The following ADAMTS18 variants were observed in gnomAD, a reference collection of about 807,000 sequenced individuals.
ADAMTS18 encodes A disintegrin and metalloproteinase with thrombospondin motifs 18.
In ADAMTS18, 157 loss-of-function variants were observed where a neutral mutation model predicts 165.9. That is an observed-to-expected ratio of 0.95 (90% CI 0.83 to 1.08). The LOEUF (loss-of-function observed/expected upper bound fraction) is 1.08, where lower values mean the gene tolerates loss of function less well. Ranked by LOEUF, ADAMTS18 falls within the 50% of genes least tolerant of loss-of-function variation. The pLI, the probability that ADAMTS18 is intolerant of heterozygous loss-of-function variation, is 0.00. For synonymous variants in ADAMTS18, 782 were observed against 578.2 expected, an observed-to-expected ratio of 1.35 and a Z score of -5.06; for missense variants, 2,040 against 1,534.0, an observed-to-expected ratio of 1.33 and a Z score of -5.51.
intron 3 of ADAMTS18, among the ~76,000 whole-genome samples, chr16:77,396,575 A>G (rs1439464483): frequency 1.3e-5 from 2 of 152,220 alleles, no homozygotes; most frequent in Non-Finnish European, 2.9e-5. Context: ...AGGTATCTTA[A>G]TCGAAAAACA....
At chr16:77,388,547 G>A (rs1241254107) in intron 3 of ADAMTS18, among the ~76,000 whole-genome samples, 3 of 152,194 alleles carry the variant, frequency 2.0e-5, no homozygotes, top group Non-Finnish European at 4.4e-5. Flanking sequence ...ACTTGGATGA[G>A]TTACTGATTT....
At chr16:77,349,040 T>C (rs1056422837) in intron 10 of ADAMTS18, among the ~76,000 whole-genome samples, 5 of 152,186 alleles carry the variant, frequency 3.3e-5, no homozygotes, top group African/African-American at 1.2e-4. Flanking sequence ...GAAGTTAAAA[T>C]GGCATGCAGT....
intron 3 of ADAMTS18, among the ~76,000 whole-genome samples, chr16:77,378,187 G>C (rs2056979321): frequency 1.3e-5 from 2 of 151,966 alleles, no homozygotes; most frequent in African/African-American, 4.8e-5. Flanking sequence ...CCAGGTGTGT[G>C]TGGTGGCATG....
intron 12 of ADAMTS18, among the ~76,000 whole-genome samples, chr16:77,332,689 A>G (rs748936415): frequency 4.6e-5 from 7 of 152,298 alleles, no homozygotes; most frequent in Non-Finnish European, 1.0e-4. Flanking sequence ...GAGTTAGAGC[A>G]TATAAAAGTA....
intron 20 of ADAMTS18, among the ~76,000 whole-genome samples, chr16:77,292,476 G>T (rs373493015): frequency 2.6e-5 from 4 of 152,042 alleles, no homozygotes; most frequent in East Asian, 3.9e-4. Context: ...ATCCCCTTTT[G>T]CTTTGATTCC....
intron 22 of ADAMTS18, 58 bp from the exon 23 acceptor site, chr16:77,284,129 T>C (rs2055202739): frequency 2.4e-6 from 3 of 1,275,080 alleles, no homozygotes; most frequent in African/African-American, 1.5e-5. Flanking sequence ...TTTTCTTTTT[T>C]TTTTTTTTTG....
chr16:77,353,173 G>A (rs527433617), intron 10 of ADAMTS18, among the ~76,000 whole-genome samples: 1 of 152,254 alleles, frequency 6.6e-6, no homozygotes, highest in East Asian at 1.9e-4. Flanking sequence ...TTGACCAAGT[G>A]TAACAACGTG....
In ADAMTS18 at chr16:77,297,347, C is replaced by G. The variant is rs762945673; in HGVS notation, c.2743G>C (p.Ala915Pro). 1 of 1,614,064 alleles carries G rather than the reference C, an allele frequency of 6.2e-7. No homozygotes were observed. Among genetic ancestry groups the G allele is most frequent in the Non-Finnish European group, 8.5e-7 (1 of 1,179,942 alleles). Residue 915 changes from alanine to proline, a missense_variant, in exon 18 of 23, where the codon GCA (alanine) becomes CCA (proline). By Grantham distance (27) the Ala-to-Pro change is conservative. Transcript: ENST00000282849. Reference protein sequence around the residue: ...NTQVNSSFCSAKTKPVTEPKI... With the variant: ...NTQVNSSFCSPKTKPVTEPKI... ...GGCTCAGTTACTGGCTTGGTTTTTG[C>G]ACTGCAGAATGAGGAATTGACTTGA... is the stretch of plus-strand genomic sequence containing the variant.
chr16:77,339,126 A>AAATCTGTGCCTTTGCCTCTGATGTTGGC (rs1440184690), intron 11 of ADAMTS18, among the ~76,000 whole-genome samples: 1 of 152,126 alleles, frequency 6.6e-6, no homozygotes, highest in African/African-American at 2.4e-5. Flanking sequence ...TGTGTGTCAG[A>AAATCTGTGCCTTTGCCTCTGATGTTGGC]CACTCCAGAT....
At chr16:77,287,541 A>T (rs2055277463) in intron 22 of ADAMTS18, among the ~76,000 whole-genome samples, 1 of 151,950 alleles carries the variant, frequency 6.6e-6, no homozygotes, top group Non-Finnish European at 1.5e-5. Flanking sequence ...GCAGTGGTGC[A>T]ATCTCGGGTC....
chr16:77,349,550 C>G (rs1192961382), intron 10 of ADAMTS18, among the ~76,000 whole-genome samples: 2 of 96,672 alleles, frequency 2.1e-5, no homozygotes, highest in South Asian at 6.7e-4. Flanking sequence ...AAAAAAAAAG[C>G]CGGTTCACTG....
At chr16:77,401,377 C>T (rs975303962) in intron 3 of ADAMTS18, among the ~76,000 whole-genome samples, 1 of 152,178 alleles carries the variant, frequency 6.6e-6, no homozygotes, top group Non-Finnish European at 1.5e-5. Context: ...CATTTTCAGA[C>T]CTTTACTGAA....
intron 3 of ADAMTS18, among the ~76,000 whole-genome samples, chr16:77,422,919 C>T (rs548489367): frequency 6.6e-6 from 1 of 152,286 alleles, no homozygotes; most frequent in South Asian, 2.1e-4. Context: ...GCAAAAACAA[C>T]TCTCCCAGAG....
At chr16:77,326,546 C>T (rs1341485055) in intron 12 of ADAMTS18, among the ~76,000 whole-genome samples, 2 of 152,068 alleles carry the variant, frequency 1.3e-5, no homozygotes, top group Non-Finnish European at 2.9e-5. Context: ...CTACACCTGG[C>T]TAATTCTTGT....
intron 3 of ADAMTS18, among the ~76,000 whole-genome samples, chr16:77,386,047 A>T (rs1185302481): frequency 1.3e-5 from 2 of 152,202 alleles, no homozygotes; most frequent in Non-Finnish European, 2.9e-5. Flanking sequence ...TGATGAAGTG[A>T]TTGGACTTGG....
At chr16:77,284,951 A>G (rs1442396532) in intron 22 of ADAMTS18, among the ~76,000 whole-genome samples, 4 of 151,136 alleles carry the variant, frequency 2.6e-5, no homozygotes, top group African/African-American at 9.9e-5. Context: ...CGGGTCTCCA[A>G]CAGTCTGTGT....
intron 22 of ADAMTS18, among the ~76,000 whole-genome samples, chr16:77,285,550 A>T (rs2055233705): frequency 6.6e-6 from 1 of 151,186 alleles, no homozygotes; most frequent in African/African-American, 2.5e-5. Context: ...AGAAATGCTT[A>T]GAGTTCCTTC....
At position 77,362,270 on chromosome 16, in the gene ADAMTS18, G is replaced by C; in HGVS notation, c.1057-6C>G. The C allele has an allele frequency of 6.2e-7, 1 of 1,613,994 alleles. No individual in the cohort carries two copies. Among genetic ancestry groups the C allele is most frequent in the Non-Finnish European group, 8.5e-7 (1 of 1,179,992 alleles). ...TGGTTGATCAATAATCCTCCCTATG[G>C]GAAACCCACACAAATCAAAGTGTGA... On this transcript the variant is annotated splice_polypyrimidine_tract_variant and splice_region_variant and intron_variant, in intron 6 of 22. Coordinates refer to ENST00000282849, the MANE Select transcript of ADAMTS18 (RefSeq NM_199355.4).
At chr16:77,417,436 T>C (rs1437607754) in intron 3 of ADAMTS18, among the ~76,000 whole-genome samples, 2 of 152,176 alleles carry the variant, frequency 1.3e-5, no homozygotes, top group African/African-American at 2.4e-5. Flanking sequence ...ATAAAGATAT[T>C]GAGAAATTTA....
Sources: allele counts gnomAD v4.1 joint callset (sites outside exome capture counted in the v4.1 genomes callset), GRCh38; gene constraint gnomAD v4.1.1; transcripts MANE v1.5; gene names NCBI Gene and HGNC (gene_info 2026-07-23, HGNC 2026-07-21).